Variants in PARM1 observed in about 807,000 individuals in gnomAD.
The protein encoded by PARM1 is prostate androgen-regulated mucin-like protein 1, also known as WSC4, cell wall integrity and stress response component 4 homolog.
A neutral mutation model predicts 24.6 loss-of-function variants in PARM1; 14 were observed. The observed-to-expected ratio is 0.57, with a 90% CI of 0.38 to 0.89. The LOEUF is 0.89. Ranked by LOEUF, PARM1 falls within the 40% of genes least tolerant of loss-of-function variation. PARM1 has a pLI of 0.00. For missense variants in PARM1, 362 were observed against 380.4 expected, an observed-to-expected ratio of 0.95 and a Z score of 0.40; for synonymous variants, 179 against 156.6, an observed-to-expected ratio of 1.14 and a Z score of -1.07.
At chr4:75,024,053 CG>C (rs964660014) in intron 2 of PARM1, among the ~76,000 whole-genome samples, 1 of 152,108 alleles carries the variant, frequency 6.6e-6, no homozygotes, top group Non-Finnish European at 1.5e-5. Context: ...GGGCAGATCA[CG>C]AGGTCAGGAG....
At chr4:74,971,299 G>T (rs1013795077) in intron 1 of PARM1, among the ~76,000 whole-genome samples, 1 of 152,130 alleles carries the variant, frequency 6.6e-6, no homozygotes, top group Non-Finnish European at 1.5e-5. Context: ...GATCTTGTGA[G>T]ATTTATTCAC....
chr4:74,971,700 G>C (rs979528152), intron 1 of PARM1, among the ~76,000 whole-genome samples: 1 of 152,184 alleles, frequency 6.6e-6, no homozygotes, highest in Non-Finnish European at 1.5e-5. Context: ...TCCTCTCTGA[G>C]ATTCTGAGTC....
At chr4:74,950,354 G>T (rs928207166) in intron 1 of PARM1, among the ~76,000 whole-genome samples, 1 of 152,112 alleles carries the variant, frequency 6.6e-6, no homozygotes, top group Non-Finnish European at 1.5e-5. Flanking sequence ...GCTTCCAGTG[G>T]CCCCAGGCAT....
At chr4:74,997,245 T>A (rs1001042025) in intron 1 of PARM1, among the ~76,000 whole-genome samples, 1 of 152,212 alleles carries the variant, frequency 6.6e-6, no homozygotes, top group Non-Finnish European at 1.5e-5. Context: ...CATGTTGGCA[T>A]CTATCCTATG....
At chr4:74,968,637 T>C (rs760642088) in intron 1 of PARM1, among the ~76,000 whole-genome samples, 2 of 152,208 alleles carry the variant, frequency 1.3e-5, no homozygotes, top group African/African-American at 2.4e-5. Context: ...TAAGGCAGTT[T>C]GGGGTCAGTT....
At chr4:74,959,696 T>G (rs564048575) in intron 1 of PARM1, among the ~76,000 whole-genome samples, 1 of 152,376 alleles carries the variant, frequency 6.6e-6, no homozygotes, top group Admixed American at 6.5e-5. Flanking sequence ...TTATTAATTT[T>G]TGTTACTTTG....
intron 3 of PARM1, among the ~76,000 whole-genome samples, chr4:75,045,721 A>T (rs1723589041): frequency 6.6e-6 from 1 of 152,264 alleles, no homozygotes; most frequent in Non-Finnish European, 1.5e-5. Flanking sequence ...TATAAATTAT[A>T]AGACAATATA....
At chr4:75,040,268 T>TA (rs1481204725) in intron 3 of PARM1, among the ~76,000 whole-genome samples, 13 of 152,188 alleles carry the variant, frequency 8.5e-5, no homozygotes, top group Non-Finnish European at 7.3e-5. Flanking sequence ...AGTTTACAAA[T>TA]AAACAGATGT....
chr4:75,033,759 GTAGCTTTTCCCCCTTTCAGAGA>G (rs774885521), intron 2 of PARM1, 102 bp from the exon 3 acceptor site: 22 of 614,344 alleles, frequency 3.6e-5, no homozygotes, highest in Non-Finnish European at 6.0e-5. Flanking sequence ...ATGATCTGAA[GTAGCTTTTCCCCCTTTCAGAGA>G]AAAGATGGGA....
At chr4:74,937,961 T>C (rs1308108729) in intron 1 of PARM1, among the ~76,000 whole-genome samples, 1 of 152,218 alleles carries the variant, frequency 6.6e-6, no homozygotes, top group Admixed American at 6.5e-5. Context: ...AAGGACTTTA[T>C]TTCTTCCATA....
At chr4:75,039,848 T>G (rs1470817775) in intron 3 of PARM1, among the ~76,000 whole-genome samples, 5 of 152,228 alleles carry the variant, frequency 3.3e-5, no homozygotes, top group Admixed American at 2.6e-4. Context: ...TTGAACATGC[T>G]GATCCCTCTG....
rs565663458 is a variant in PARM1, at chr4:75,010,808, G to A, written c.44-1617G>A. The stretch of plus-strand genomic sequence containing the variant: ...ACATTAAAAGGGAGGAAACCAGGGG[G>A]CTAGAAGACCAATTAAGAGACTATT... On this transcript the variant is annotated intron_variant, in intron 1 of 3. Transcript: ENST00000307428. 1.4e-3 allele frequency among the ~76,000 whole-genome samples: 210 copies of A among 152,284 alleles called. 1 individual carries two copies. The highest frequency in any genetic ancestry group is 4.8e-3 in the African/African-American group (199 of 41,552).
intron 3 of PARM1, among the ~76,000 whole-genome samples, chr4:75,035,076 T>C (rs1019590063): frequency 8.5e-5 from 13 of 152,056 alleles, no homozygotes; most frequent in Non-Finnish European, 1.5e-4. Context: ...ACTTCCTCCA[T>C]GAGATGCTTG....
rs114352581 is a variant in PARM1 at position 74,959,448 on chromosome 4, T to C, written c.43+26078T>C. Among the ~76,000 whole-genome samples the C allele has an allele frequency of 6.1e-3, 930 of 152,320 alleles. 7 individuals carry two copies. Among genetic ancestry groups the C allele is most frequent in the Middle Eastern group, 0.037 (11 of 294 alleles). ...GTGTCTATTGCAAATACATCGTGGG[T>C]TCTGATGTTCCACTCAGCCACCTTT... On this transcript the variant is annotated intron_variant, in intron 1 of 3. Coordinates refer to ENST00000307428, the MANE Select transcript of PARM1 (RefSeq NM_015393.4).
intron 1 of PARM1, among the ~76,000 whole-genome samples, chr4:74,975,085 A>G (rs1227728422): frequency 6.6e-6 from 1 of 152,230 alleles, no homozygotes; most frequent in East Asian, 1.9e-4. Context: ...AGACATTTGC[A>G]CATTCCCCCT....
At chr4:75,019,989 G>A (rs187733590) in intron 2 of PARM1, among the ~76,000 whole-genome samples, 3,421 of 107,388 alleles carry the variant, frequency 0.032, 175 homozygotes, top group African/African-American at 0.11. Flanking sequence ...CGGCCTGGGC[G>A]ACAGAACGAG....
chr4:75,049,837 C>G lies in PARM1; in HGVS notation c.*3590C>G, dbSNP rs1723682165. 1.3e-5 allele frequency: 2 copies of G among 148,732 alleles called. No individual in the cohort carries two copies. The highest frequency in any genetic ancestry group is 2.6e-5 in the African/African-American group (1 of 39,166). 9.2% of individuals were successfully genotyped at this position (148,732 alleles called of 1,614,324 possible). On this transcript the variant is annotated 3_prime_UTR_variant, in exon 4 of 4. Transcript: ENST00000307428. ...CCAGATGCTAATTTGCACGTTGATT[C>G]ACCTTCTTTGCCTTTAAGCCTTTTT... is the stretch of plus-strand genomic sequence containing the variant.
chr4:74,959,260 C>T (rs778247681), intron 1 of PARM1, among the ~76,000 whole-genome samples: 1 of 152,112 alleles, frequency 6.6e-6, no homozygotes, highest in African/African-American at 2.4e-5. Context: ...TTATCCTCCC[C>T]CCCATCACTA....
At chr4:74,978,928 TG>T (rs1335613040) in intron 1 of PARM1, among the ~76,000 whole-genome samples, 1 of 152,058 alleles carries the variant, frequency 6.6e-6, no homozygotes, top group African/African-American at 2.4e-5. Flanking sequence ...GAAGAGACAA[TG>T]TACCAGAATC....
Sources: gnomAD v4.1 joint callset for allele counts (sites outside exome capture counted in the v4.1 genomes callset) on GRCh38, gnomAD v4.1.1 for gene constraint, MANE v1.5 for transcripts, NCBI Gene and HGNC (gene_info 2026-07-23, HGNC 2026-07-21) for gene names.